Variants in ATP8A2 observed in about 807,000 individuals in gnomAD.
ATP8A2 encodes the protein phospholipid-transporting ATPase IB.
Under a neutral mutation model 165.6 loss-of-function variants are expected in ATP8A2, and 100 were observed. The observed-to-expected ratio is 0.60, with a 90% confidence interval of 0.51 to 0.71. The LOEUF (loss-of-function observed/expected upper bound fraction) is 0.71, where lower values mean the gene tolerates loss of function less well. Among genes scored for constraint, ATP8A2 ranks in the 30% least tolerant of loss-of-function variants. The probability of loss-of-function intolerance (pLI) is 0.00; values close to 1 mark genes in which losing one functional copy is unlikely to be tolerated. For synonymous variants in ATP8A2, 543 were observed against 548.8 expected, an observed-to-expected ratio of 0.99 and a Z score of 0.15; for missense variants, 1,227 against 1,479.5, an observed-to-expected ratio of 0.83 and a Z score of 2.80.
intron 25 of ATP8A2, among the ~76,000 whole-genome samples, chr13:25,753,514 T>G (rs944599169): frequency 6.6e-6 from 1 of 152,178 alleles, no homozygotes; most frequent in African/African-American, 2.4e-5. Context: ...ACAAATACTC[T>G]CTGAGTGCCA....
At chr13:25,468,708 G>A (rs968095162) in intron 1 of ATP8A2, 3 of 433,170 alleles carry the variant, frequency 6.9e-6, no homozygotes, top group Admixed American at 6.4e-5. Context: ...AGGAGCTGGG[G>A]GCGGCTCTCC....
chr13:25,586,285 G>A (rs1478682869), intron 23 of ATP8A2, among the ~76,000 whole-genome samples: 2 of 152,212 alleles, frequency 1.3e-5, no homozygotes, highest in Non-Finnish European at 2.9e-5. Context: ...GATGAGAGGA[G>A]TTTAAAACTT....
At chr13:25,485,881 CATT>C (rs997460648) in intron 2 of ATP8A2, among the ~76,000 whole-genome samples, 1 of 152,148 alleles carries the variant, frequency 6.6e-6, no homozygotes, top group Non-Finnish European at 1.5e-5. Context: ...TGTTCTATCA[CATT>C]GTTGGGAAAG....
chr13:25,383,710 T>C (rs1291847782), intron 1 of ATP8A2, among the ~76,000 whole-genome samples: 2 of 152,216 alleles, frequency 1.3e-5, no homozygotes, highest in East Asian at 3.8e-4. Context: ...ACTTATATTA[T>C]GAATATAGTA....
At chr13:25,710,888 CACTA>C (rs2043145339) in intron 25 of ATP8A2, among the ~76,000 whole-genome samples, 1 of 129,274 alleles carries the variant, frequency 7.7e-6, no homozygotes, top group Non-Finnish European at 1.8e-5. Flanking sequence ...CCTCTGCAAA[CACTA>C]ACATCTACTA....
intron 26 of ATP8A2, 66 bp from the exon 27 acceptor site, chr13:25,774,783 A>G: frequency 1.1e-6 from 1 of 911,046 alleles, no homozygotes; most frequent in South Asian, 1.4e-5. Context: ...TCATAAGGAC[A>G]TTCTGTTTGT....
intron 33 of ATP8A2, among the ~76,000 whole-genome samples, chr13:25,892,506 T>TCTC (rs1953401219): frequency 8.8e-6 from 1 of 113,276 alleles, no homozygotes; most frequent in African/African-American, 5.5e-5. Flanking sequence ...CTCTCTCTCC[T>TCTC]TCCACCTGTG....
chr13:25,917,110 A>G (rs9581476), intron 33 of ATP8A2, among the ~76,000 whole-genome samples: 3 of 152,218 alleles, frequency 2.0e-5, no homozygotes, highest in African/African-American at 7.2e-5. Flanking sequence ...CTAGCCGCCC[A>G]TGCCTGGTAG....
intron 1 of ATP8A2, among the ~76,000 whole-genome samples, chr13:25,432,312 G>T (rs979292532): frequency 6.6e-6 from 1 of 152,178 alleles, no homozygotes; most frequent in Non-Finnish European, 1.5e-5. Flanking sequence ...GTGTGTCCAC[G>T]TGTTTGGGTG....
intron 33 of ATP8A2, among the ~76,000 whole-genome samples, chr13:25,910,061 C>T (rs767536419): frequency 7.2e-5 from 11 of 152,108 alleles, no homozygotes; most frequent in Non-Finnish European, 1.5e-4. Flanking sequence ...TGGTAGTGTT[C>T]GCGCCTGTGG....
intron 25 of ATP8A2, among the ~76,000 whole-genome samples, chr13:25,727,850 G>A (rs998013045): frequency 6.6e-6 from 1 of 152,032 alleles, no homozygotes. Context: ...TTAACTCTGC[G>A]AAATCTACAT....
chr13:25,960,533 C>A (rs1024324870), intron 33 of ATP8A2, among the ~76,000 whole-genome samples: 3 of 152,104 alleles, frequency 2.0e-5, no homozygotes, highest in African/African-American at 7.2e-5. Context: ...GAAAAGAAAT[C>A]CGGTGAACAC....
intron 1 of ATP8A2, among the ~76,000 whole-genome samples, chr13:25,444,010 G>A (rs2035002011): frequency 6.6e-6 from 1 of 152,068 alleles, no homozygotes; most frequent in South Asian, 2.1e-4. Flanking sequence ...ATATACCTGT[G>A]ACTAACACCC....
At chr13:25,441,240 A>T (rs2034924090) in intron 1 of ATP8A2, among the ~76,000 whole-genome samples, 1 of 152,254 alleles carries the variant, frequency 6.6e-6, no homozygotes, top group African/African-American at 2.4e-5. Context: ...TCCAAAGAAC[A>T]TAAATGGAAT....
chr13:25,848,903 T>A (rs1395570708), intron 30 of ATP8A2, among the ~76,000 whole-genome samples: 1 of 152,062 alleles, frequency 6.6e-6, no homozygotes, highest in Non-Finnish European at 1.5e-5. Context: ...TTTAGCGTCC[T>A]GGAAGTTGGA....
At chr13:25,968,127 G>A (rs994776652) in intron 34 of ATP8A2, among the ~76,000 whole-genome samples, 1 of 152,216 alleles carries the variant, frequency 6.6e-6, no homozygotes, top group African/African-American at 2.4e-5. Context: ...AAGAGGGAGG[G>A]AGGAAACTTG....
chr13:25,551,288 G>T, intron 10 of ATP8A2, 50 bp from the exon 11 acceptor site: 1 of 1,550,334 alleles, frequency 6.5e-7, no homozygotes, highest in South Asian at 1.2e-5. Context: ...CCAACCCCTT[G>T]CCCCAAATCT....
intron 1 of ATP8A2, among the ~76,000 whole-genome samples, chr13:25,410,814 T>A (rs144041150): frequency 6.6e-6 from 1 of 152,362 alleles, no homozygotes; most frequent in East Asian, 1.9e-4. Context: ...GCCAACATCA[T>A]CCCTGGAATT....
chr13:25,857,237 C>T (rs754424000), intron 30 of ATP8A2, among the ~76,000 whole-genome samples: 6 of 152,202 alleles, frequency 3.9e-5, no homozygotes, highest in Non-Finnish European at 8.8e-5. Context: ...GTCTGGAACA[C>T]TCACCCTGTA....
Sources: allele counts gnomAD v4.1 joint callset (sites outside exome capture counted in the v4.1 genomes callset), GRCh38; gene constraint gnomAD v4.1.1; transcripts MANE v1.5; gene names NCBI Gene and HGNC (gene_info 2026-07-23, HGNC 2026-07-21).